Variants in HMGCLL1 observed in about 807,000 individuals in gnomAD.
HMGCLL1 encodes the protein 3-hydroxymethyl-3-methylglutaryl-CoA lyase, cytoplasmic.
Under a neutral mutation model 39.1 loss-of-function variants are expected in HMGCLL1, and 36 were observed. The observed-to-expected ratio is 0.92, with a 90% CI of 0.71 to 1.22. The LOEUF (loss-of-function observed/expected upper bound fraction) is 1.22, where lower values mean the gene tolerates loss of function less well. Ranked by LOEUF, HMGCLL1 falls within the 50% of genes most tolerant of loss-of-function variation. The pLI, the probability that HMGCLL1 is intolerant of heterozygous loss-of-function variation, is 0.00. For missense variants in HMGCLL1, 451 were observed against 416.5 expected (o/e 1.08, Z -0.72); for synonymous variants, 149 against 144.0 (o/e 1.03, Z -0.25).
the HMGCLL1 span, among the ~76,000 whole-genome samples, chr6:55,670,520 T>C: frequency 3.3e-5 from 5 of 151,818 alleles, no homozygotes; most frequent in African/African-American, 4.8e-5. Flanking sequence ...ATTGTTAGGA[T>C]TGTCAATATA....
At chr6:55,545,388 G>A (rs528122723) in intron 1 of HMGCLL1, among the ~76,000 whole-genome samples, 1 of 152,130 alleles carries the variant, frequency 6.6e-6, no homozygotes, top group African/African-American at 2.4e-5. Flanking sequence ...AACAATTATG[G>A]CCATTTCAAT....
At chr6:55,583,844 G>A (rs1055173619), upstream of HMGCLL1, among the ~76,000 whole-genome samples, 54 of 152,218 alleles carry the variant, frequency 3.5e-4, no homozygotes, top group Admixed American at 1.3e-3. Flanking sequence ...TTAGCTTGGA[G>A]TCTCATAACG....
At chr6:55,632,954 C>A in the HMGCLL1 span, among the ~76,000 whole-genome samples, 2 of 152,102 alleles carry the variant, frequency 1.3e-5, no homozygotes, top group African/African-American at 4.8e-5. Context: ...TGCATATAGA[C>A]TCTTGACATC....
chr6:55,552,643 A>G (rs910882660), intron 1 of HMGCLL1, among the ~76,000 whole-genome samples: 9 of 151,956 alleles, frequency 5.9e-5, no homozygotes, highest in African/African-American at 2.2e-4. Flanking sequence ...TTTTTTGTTT[A>G]TTTATTCATC....
the HMGCLL1 span, among the ~76,000 whole-genome samples, chr6:55,607,856 C>T: frequency 6.6e-6 from 1 of 152,130 alleles, no homozygotes; most frequent in Non-Finnish European, 1.5e-5. Context: ...TCCACCTGTG[C>T]CACTAAATAT....
At chr6:55,641,690 T>C in the HMGCLL1 span, among the ~76,000 whole-genome samples, 1 of 151,918 alleles carries the variant, frequency 6.6e-6, no homozygotes, top group Non-Finnish European at 1.5e-5. Context: ...GCCATTATAA[T>C]AAATACGTAT....
chr6:55,521,133 T>G (rs752278754), intron 3 of HMGCLL1, among the ~76,000 whole-genome samples: 3 of 152,112 alleles, frequency 2.0e-5, no homozygotes, highest in Admixed American at 1.3e-4. Flanking sequence ...CTGAATACTA[T>G]AATGTGTTCC....
chr6:55,478,438 C>G (rs1286854612), intron 7 of HMGCLL1, among the ~76,000 whole-genome samples: 1 of 151,378 alleles, frequency 6.6e-6, no homozygotes, highest in Admixed American at 6.6e-5. Context: ...AATAATCCTA[C>G]AAATTTTACA....
At chr6:55,667,147 A>C in the HMGCLL1 span, among the ~76,000 whole-genome samples, 1 of 151,768 alleles carries the variant, frequency 6.6e-6, no homozygotes, top group Non-Finnish European at 1.5e-5. Flanking sequence ...AAGGTGGACA[A>C]TATTTAGCAT....
the HMGCLL1 span, among the ~76,000 whole-genome samples, chr6:55,658,465 G>A: frequency 5.3e-5 from 8 of 151,854 alleles, no homozygotes; most frequent in Admixed American, 2.0e-4. Flanking sequence ...ATGCGTTGTG[G>A]GGCTTGGGCT....
chr6:55,481,530 A>G (rs1302370854), intron 7 of HMGCLL1, among the ~76,000 whole-genome samples: 1 of 151,810 alleles, frequency 6.6e-6, no homozygotes, highest in East Asian at 1.9e-4. Flanking sequence ...ATATATAACT[A>G]CTATGTACCC....
intron 7 of HMGCLL1, among the ~76,000 whole-genome samples, chr6:55,445,876 C>T (rs1044188369): frequency 3.3e-5 from 5 of 152,098 alleles, no homozygotes; most frequent in African/African-American, 9.6e-5. Flanking sequence ...CAACCCCACT[C>T]ACTGTGTTGC....
Position 55,495,455 on chromosome 6 carries a change from G to C in HMGCLL1, c.759C>G (p.Tyr253Ter), listed in dbSNP as rs149581955. The change falls in exon 7 of 9, where the codon TAC (tyrosine) becomes TAG (stop). Residue 253 changes from tyrosine (Y) to a stop codon, truncating the protein, a stop_gained. Coordinates refer to ENST00000274901, the MANE Select transcript of HMGCLL1 (RefSeq NM_001042406.2). LOFTEE classifies it high-confidence loss of function. Reference sequence around the variant, plus strand: ...TAAGGATATTTGCTAAGGCTTGTCCGTATGTGTCATGACAGTGAACAGCAA... The same window carrying C: ...TAAGGATATTTGCTAAGGCTTGTCCCTATGTGTCATGACAGTGAACAGCAA... ...GALAVHCHDT[Y>*]GQALANILTA... 4 of 1,613,780 alleles carry C rather than the reference G, an allele frequency of 2.5e-6. No homozygotes were observed. Among genetic ancestry groups the C allele is most frequent in the Non-Finnish European group, 3.4e-6 (4 of 1,179,894 alleles).
At chr6:55,647,814 A>G in the HMGCLL1 span, among the ~76,000 whole-genome samples, 2 of 107,714 alleles carry the variant, frequency 1.9e-5, no homozygotes, top group Non-Finnish European at 3.5e-5. Flanking sequence ...ACATGTGCAC[A>G]TTGTGCAGGT....
chr6:55,597,745 G>A, the HMGCLL1 span, among the ~76,000 whole-genome samples: 3 of 152,106 alleles, frequency 2.0e-5, no homozygotes, highest in Non-Finnish European at 4.4e-5. Flanking sequence ...AATTATAAAT[G>A]AGACAGTTTG....
intron 7 of HMGCLL1, among the ~76,000 whole-genome samples, chr6:55,460,475 A>G (rs1764509333): frequency 6.6e-6 from 1 of 151,930 alleles, no homozygotes; most frequent in Non-Finnish European, 1.5e-5. Flanking sequence ...TATCAGCCGC[A>G]TCTTTATAAA....
the HMGCLL1 span, among the ~76,000 whole-genome samples, chr6:55,666,836 C>G: frequency 1.3e-5 from 2 of 151,674 alleles, no homozygotes; most frequent in Admixed American, 1.3e-4. Context: ...CATGGAACAT[C>G]CCTTAACCAG....
intron 1 of HMGCLL1, among the ~76,000 whole-genome samples, chr6:55,554,140 T>C (rs1770519483): frequency 6.6e-6 from 1 of 152,120 alleles, no homozygotes; most frequent in Non-Finnish European, 1.5e-5. Context: ...GGGGCACAGC[T>C]AGTTACTTGT....
chr6:55,514,860 T>C (rs1173830659), intron 4 of HMGCLL1, among the ~76,000 whole-genome samples: 1 of 152,138 alleles, frequency 6.6e-6, no homozygotes, highest in African/African-American at 2.4e-5. Flanking sequence ...TGTTTTCAAA[T>C]ATCAAGCCTC....
Sources: allele counts gnomAD v4.1 joint callset (sites outside exome capture counted in the v4.1 genomes callset), GRCh38; gene constraint gnomAD v4.1.1; transcripts MANE v1.5; gene names NCBI Gene and HGNC (gene_info 2026-07-23, HGNC 2026-07-21).